The following PCDH15 variants were observed in gnomAD, a reference collection of about 807,000 sequenced individuals.
PCDH15 encodes protocadherin-15.
Under a neutral mutation model 178.5 loss-of-function variants are expected in PCDH15, and 129 were observed. The ratio of observed to expected loss-of-function variants is 0.72; its 90% CI spans 0.63 to 0.84. PCDH15 has a LOEUF of 0.84. Among genes scored for constraint, PCDH15 ranks in the 40% least tolerant of loss-of-function variants. The pLI, the probability that PCDH15 is intolerant of heterozygous loss-of-function variation, is 0.00. For missense variants in PCDH15, 2,230 were observed against 2,099.9 expected, an observed-to-expected ratio of 1.06 and a Z score of -1.21; for synonymous variants, 800 against 732.0, an observed-to-expected ratio of 1.09 and a Z score of -1.50.
intron 2 of PCDH15, among the ~76,000 whole-genome samples, chr10:55,149,452 T>A (rs1838634547): frequency 6.6e-6 from 1 of 152,008 alleles, no homozygotes; most frequent in South Asian, 2.1e-4. Flanking sequence ...AATACAACAG[T>A]AAAGTAAAAT....
chr10:53,977,297 C>T (rs2090260399), intron 21 of PCDH15, among the ~76,000 whole-genome samples: 1 of 150,642 alleles, frequency 6.6e-6, no homozygotes, highest in African/African-American at 2.4e-5. Context: ...ATATAATACA[C>T]TAACACTAAT....
chr10:54,523,967 A>G (rs1186992751), intron 3 of PCDH15, among the ~76,000 whole-genome samples: 2 of 152,188 alleles, frequency 1.3e-5, no homozygotes, highest in African/African-American at 4.8e-5. Flanking sequence ...TAAGGAAGAG[A>G]GGATGGAGAA....
intron 1 of PCDH15, among the ~76,000 whole-genome samples, chr10:55,303,129 G>A (rs1325915804): frequency 6.6e-6 from 1 of 151,842 alleles, no homozygotes; most frequent in Non-Finnish European, 1.5e-5. Flanking sequence ...AAATGTTTTT[G>A]TAACAAAATA....
chr10:54,380,853 G>A (rs1949147109), intron 3 of PCDH15, among the ~76,000 whole-genome samples: 1 of 149,668 alleles, frequency 6.7e-6, no homozygotes, highest in Non-Finnish European at 1.5e-5. Context: ...TAATATTAAA[G>A]TAGTGAAACA....
intron 2 of PCDH15, among the ~76,000 whole-genome samples, chr10:54,602,666 T>A (rs931938000): frequency 5.9e-5 from 9 of 152,032 alleles, no homozygotes; most frequent in African/African-American, 2.2e-4. Context: ...GAGAGTTTTT[T>A]AAATTAGAAA....
chr10:55,568,408 G>C (rs755267859), intron 2 of PCDH15, among the ~76,000 whole-genome samples: 3 of 151,862 alleles, frequency 2.0e-5, no homozygotes, highest in Non-Finnish European at 4.4e-5. Context: ...TGCTAATGGA[G>C]GGAAAATTTT....
chr10:53,893,380 T>C (rs1169793967), intron 26 of PCDH15, among the ~76,000 whole-genome samples: 1 of 152,236 alleles, frequency 6.6e-6, no homozygotes, highest in African/African-American at 2.4e-5. Context: ...TGTATTTTAC[T>C]AATTTGAAAT....
intron 2 of PCDH15, among the ~76,000 whole-genome samples, chr10:55,335,427 G>C (rs1367370907): frequency 6.6e-6 from 1 of 152,078 alleles, no homozygotes; most frequent in Admixed American, 6.5e-5. Flanking sequence ...TAGGAGATTA[G>C]GGAATGAAAA....
chr10:55,542,136 A>ATATATATGTC (rs779613329), intron 2 of PCDH15, among the ~76,000 whole-genome samples: 4,219 of 151,442 alleles, frequency 0.028, 85 homozygotes, highest in East Asian at 0.05. Context: ...TCAGTATTAT[A>ATATATATGTC]TATATATGTC....
chr10:54,576,830 A>G (rs972144055), intron 2 of PCDH15, among the ~76,000 whole-genome samples: 2 of 152,214 alleles, frequency 1.3e-5, no homozygotes, highest in Admixed American at 1.3e-4. Context: ...AAAGTAAAAG[A>G]GTGCATCTAT....
chr10:55,189,478 TG>T (rs1222722368), intron 1 of PCDH15, among the ~76,000 whole-genome samples: 1 of 151,840 alleles, frequency 6.6e-6, no homozygotes, highest in Admixed American at 6.6e-5. Flanking sequence ...CTCATGTTTT[TG>T]TGACTAAAGT....
At chr10:55,111,677 C>T (rs1376798625) in intron 2 of PCDH15, among the ~76,000 whole-genome samples, 2 of 152,100 alleles carry the variant, frequency 1.3e-5, no homozygotes, top group East Asian at 3.9e-4. Context: ...AACCCCATCT[C>T]TACTAAAAAT....
At chr10:55,430,797 C>T (rs1336357957) in intron 2 of PCDH15, among the ~76,000 whole-genome samples, 2 of 152,028 alleles carry the variant, frequency 1.3e-5, no homozygotes, top group Admixed American at 1.3e-4. Flanking sequence ...CCAATGCCTG[C>T]CAATAAATCA....
intron 26 of PCDH15, among the ~76,000 whole-genome samples, chr10:53,881,054 GTTA>G (rs1412452114): frequency 6.6e-6 from 1 of 151,808 alleles, no homozygotes; most frequent in African/African-American, 2.4e-5. Context: ...CACATATATA[GTTA>G]TTTTTATATT....
intron 1 of PCDH15, among the ~76,000 whole-genome samples, chr10:55,260,214 G>A (rs1564942573): frequency 6.6e-6 from 1 of 151,950 alleles, no homozygotes; most frequent in African/African-American, 2.4e-5. Flanking sequence ...AGGATACTAT[G>A]AGTACAGATA....
chr10:55,191,469 C>T (rs1297452649), intron 1 of PCDH15, among the ~76,000 whole-genome samples: 1 of 151,688 alleles, frequency 6.6e-6, no homozygotes, highest in East Asian at 1.9e-4. Flanking sequence ...TTACACTTGT[C>T]TCAGGAATGC....
intron 2 of PCDH15, among the ~76,000 whole-genome samples, chr10:54,616,510 C>T (rs1227519087): frequency 6.6e-6 from 1 of 152,048 alleles, no homozygotes; most frequent in Non-Finnish European, 1.5e-5. Context: ...ACTGTAATCA[C>T]AGGATGTGCT....
intron 2 of PCDH15, among the ~76,000 whole-genome samples, chr10:55,494,656 T>C (rs1840492667): frequency 6.6e-6 from 1 of 151,778 alleles, no homozygotes; most frequent in African/African-American, 2.4e-5. Flanking sequence ...CATCAGGATC[T>C]ACCTCAGATT....
chr10:54,606,193 T>C (rs1262245134), intron 2 of PCDH15: 1 of 152,094 alleles, frequency 6.6e-6, no homozygotes, highest in Non-Finnish European at 1.5e-5. Flanking sequence ...TTGTAGCTAG[T>C]TGGTGAATGA....
Sources: gnomAD v4.1 joint callset for allele counts (sites outside exome capture counted in the v4.1 genomes callset) on GRCh38, gnomAD v4.1.1 for gene constraint, MANE v1.5 for transcripts, NCBI Gene and HGNC (gene_info 2026-07-23, HGNC 2026-07-21) for gene names.